UCHL1: variants seen among roughly 807,000 people sequenced by gnomAD.
The protein encoded by UCHL1 is ubiquitin C-terminal hydrolase L1.
A neutral mutation model predicts 33.3 loss-of-function variants in UCHL1; 5 were observed. That is an observed-to-expected ratio of 0.15 (90% CI 0.08 to 0.32). The LOEUF is 0.32. UCHL1 is among the 10% of genes least tolerant of loss of function. The pLI is 1.00. For missense variants in UCHL1, 236 were observed against 280.0 expected, an observed-to-expected ratio of 0.84 and a Z score of 1.12; for synonymous variants, 132 against 108.8, an observed-to-expected ratio of 1.21 and a Z score of -1.33.
At chr4:41,262,920 C>T (rs187347449) in intron 6 of UCHL1, among the ~76,000 whole-genome samples, 40 of 152,208 alleles carry the variant, frequency 2.6e-4, no homozygotes, top group African/African-American at 8.9e-4. Context: ...ATCTCAGTGT[C>T]TTTATAACTA....
intron 1 of UCHL1, 43 bp downstream of exon 1, chr4:41,257,052 G>C: frequency 6.2e-7 from 1 of 1,614,162 alleles, no homozygotes; most frequent in South Asian, 1.1e-5. Flanking sequence ...GCGAGGCCGA[G>C]GGAGGGGGAG....
Position 41,268,281 on chromosome 4 carries a change from GA to G in UCHL1, c.*209del. 3.3e-6 allele frequency: 2 copies of G among 611,948 alleles called. No individual in the cohort carries two copies. Among genetic ancestry groups the G allele is most frequent in the South Asian group, 3.8e-5 (2 of 52,004 alleles). 37.9% of individuals were successfully genotyped at this position (611,948 alleles called of 1,614,324 possible). Reference sequence around the variant, plus strand: ...CTGGGCCATTGTGGTGTGAGCTTCAGATGGTGAAGCATTCTCCCCAGTGTAT... The same window carrying G: ...CTGGGCCATTGTGGTGTGAGCTTCAGTGGTGAAGCATTCTCCCCAGTGTAT... On this transcript the variant is annotated 3_prime_UTR_variant, in exon 9 of 9. Transcript: ENST00000284440.
At chr4:41,264,198 A>G (rs767077373) in intron 8 of UCHL1, 37 bp downstream of exon 8, 5 of 1,613,436 alleles carry the variant, frequency 3.1e-6, no homozygotes, top group Non-Finnish European at 4.2e-6. Context: ...AATGTGCCTC[A>G]CAATTCTTTG....
In UCHL1 at chr4:41,263,234, A is replaced by C; in HGVS notation, c.469A>C (p.Lys157Gln). ...AQEGQCRVDD[K>Q]VNFHFILFNN... ...TCTTGACTTTCTTTAGGTAGATGAC[A>C]AGGTGAATTTCCATTTTATTCTGTT... Residue 157 changes from lysine to glutamine, a missense_variant, in exon 7 of 9, where the codon AAG becomes CAG. Transcript: ENST00000284440. The C allele has an allele frequency of 5.0e-6, 8 of 1,614,008 alleles. No homozygotes were observed. Among genetic ancestry groups the C allele is most frequent in the Non-Finnish European group, 6.8e-6 (8 of 1,179,880 alleles).
intron 3 of UCHL1, 83 bp downstream of exon 3, chr4:41,257,820 GC>G: frequency 6.7e-7 from 1 of 1,497,358 alleles, no homozygotes; most frequent in Non-Finnish European, 8.9e-7. Context: ...TCCCCGCCCC[GC>G]CCCCTCCCCT....
chr4:41,267,229 CTGTTTTTTTTTT>C (rs1781167684), intron 8 of UCHL1, among the ~76,000 whole-genome samples: 1 of 8,564 alleles, frequency 1.2e-4, no homozygotes, highest in Non-Finnish European at 3.2e-4. Flanking sequence ...AACGTTAAGG[CTGTTTTTTTTTT>C]TGTTTGTTTG....
At chr4:41,265,787 C>T (rs1781142702) in intron 8 of UCHL1, among the ~76,000 whole-genome samples, 1 of 152,140 alleles carries the variant, frequency 6.6e-6, no homozygotes, top group African/African-American at 2.4e-5. Context: ...TCAGTTAAAG[C>T]TAATTCTTGG....
At chr4:41,260,548 A>C in intron 3 of UCHL1, 99 bp from the exon 4 acceptor site, 1 of 1,432,412 alleles carries the variant, frequency 7.0e-7, no homozygotes, top group South Asian at 1.2e-5. Context: ...CTGGTCACAC[A>C]TCCCACTGGT....
Position 41,257,619 on chromosome 4 carries a change from G to A in UCHL1, c.56G>A (p.Arg19Gln), listed in dbSNP as rs763182177. ...GTCTCCTCTCCGCAGGTGCTGTCCC[G>A]GCTGGGGGTCGCCGGCCAGTGGCGC... Reference protein sequence around the residue: ...NPEMLNKVLSRLGVAGQWRFV... With the variant: ...NPEMLNKVLSQLGVAGQWRFV... The change falls in exon 3 of 9, where the codon CGG becomes CAG. Residue 19 changes from arginine (R) to glutamine (Q), a missense_variant. Transcript: ENST00000284440. The A allele has an allele frequency of 1.3e-6, 2 of 1,553,126 alleles. No homozygotes were observed. The highest frequency in any genetic ancestry group is 4.8e-5 in the East Asian group (2 of 41,766).
chr4:41,266,226 C>CGTTTTTTTTT, intron 8 of UCHL1, among the ~76,000 whole-genome samples: 1 of 136,802 alleles, frequency 7.3e-6, no homozygotes, highest in Middle Eastern at 3.8e-3. Context: ...CTGGCTAAAA[C>CGTTTTTTTTT]TTTTTTTTTT....
In UCHL1 at chr4:41,266,226, C is replaced by CGTTTTTTTTTTTTTTTT. The variant is rs1554005212; in HGVS notation, c.586-1761_586-1760insGTTTTTTTTTTTTTTTT. Among the ~76,000 whole-genome samples the CGTTTTTTTTTTTTTTTT allele has an allele frequency of 3.7e-5, 5 of 136,778 alleles. 2 individuals are homozygous for CGTTTTTTTTTTTTTTTT. Among genetic ancestry groups the CGTTTTTTTTTTTTTTTT allele is most frequent in the African/African-American group, 5.6e-5 (2 of 35,580 alleles). 89.7% of individuals were successfully genotyped at this position (136,778 alleles called of 152,430 possible). The stretch of plus-strand genomic sequence containing the variant: ...CGTGAGCCACAGTACCTGGCTAAAA[C>CGTTTTTTTTTTTTTTTT]TTTTTTTTTTTTTTTTTTTTTAACT... On this transcript the variant is annotated intron_variant, in intron 8 of 8. Coordinates refer to ENST00000284440, the MANE Select transcript of UCHL1 (RefSeq NM_004181.5).
At chr4:41,266,881 C>A (rs1017050945) in intron 8 of UCHL1, among the ~76,000 whole-genome samples, 2 of 152,142 alleles carry the variant, frequency 1.3e-5, no homozygotes, top group African/African-American at 2.4e-5. Flanking sequence ...GCTGAGATTG[C>A]AGGCCTGAGC....
intron 8 of UCHL1, among the ~76,000 whole-genome samples, chr4:41,265,741 A>G (rs1781141821): frequency 6.6e-6 from 1 of 152,316 alleles, no homozygotes; most frequent in South Asian, 2.1e-4. Context: ...TTAATAGGGA[A>G]GGTTGATTTC....
intron 3 of UCHL1, among the ~76,000 whole-genome samples, chr4:41,260,137 AG>A (rs1160043240): frequency 6.6e-6 from 1 of 152,220 alleles, no homozygotes; most frequent in Non-Finnish European, 1.5e-5. Flanking sequence ...TGTTCTTTTC[AG>A]CAGTTAAGGC....
chr4:41,263,995 G>A (rs767024621), intron 7 of UCHL1, 108 bp from the exon 8 acceptor site: 17 of 1,430,876 alleles, frequency 1.2e-5, no homozygotes, highest in East Asian at 2.3e-5. Context: ...CCTTCTGTGG[G>A]TTTGGCAGTG....
intron 3 of UCHL1, among the ~76,000 whole-genome samples, chr4:41,258,805 A>G (rs957620974): frequency 6.6e-6 from 1 of 152,244 alleles, no homozygotes; most frequent in Non-Finnish European, 1.5e-5. Context: ...TTTACAGCTA[A>G]TAAGATGATC....
At position 41,264,506 on chromosome 4, in the gene UCHL1, C is replaced by CT. The variant is rs1781123364; in HGVS notation, c.585+348dup. 3 of 382,630 alleles carry CT rather than the reference C, an allele frequency of 7.8e-6. No homozygotes were observed. The East Asian group carries it at 1.9e-4, about 24-fold the overall frequency. 23.7% of individuals were successfully genotyped at this position (382,630 alleles called of 1,614,324 possible). ...AGCTAAAGACTCACAAAACAGCAGC[C>CT]TTTCATAATCCCTCTAAGACAACGG... is the stretch of plus-strand genomic sequence containing the variant. On this transcript the variant is annotated intron_variant, in intron 8 of 8. Transcript: ENST00000284440.
At chr4:41,262,005 GAACACAGCA>G in intron 6 of UCHL1, 82 bp downstream of exon 6, 1 of 1,563,510 alleles carries the variant, frequency 6.4e-7, no homozygotes, top group Non-Finnish European at 8.7e-7. Context: ...TCTCTTACTG[GAACACAGCA>G]AATGTTATCC....
chr4:41,257,184 C>T (rs959209014), intron 2 of UCHL1, 58 bp downstream of exon 2: 13 of 1,610,404 alleles, frequency 8.1e-6, no homozygotes, highest in Non-Finnish European at 1.0e-5. Flanking sequence ...GAGGCGGGGG[C>T]GCCCACCGGT....
Sources: allele counts gnomAD v4.1 joint callset (sites outside exome capture counted in the v4.1 genomes callset), GRCh38; gene constraint gnomAD v4.1.1; transcripts MANE v1.5; gene names NCBI Gene and HGNC (gene_info 2026-07-23, HGNC 2026-07-21).